Variants in PTPA observed in about 807,000 individuals in gnomAD.
PTPA encodes serine/threonine-protein phosphatase 2A activator.
In PTPA, 13 loss-of-function variants were observed where a neutral mutation model predicts 43.6. The observed-to-expected ratio is 0.30, with a 90% CI of 0.19 to 0.47. PTPA has a LOEUF of 0.47. Among genes scored for constraint, PTPA ranks in the 20% least tolerant of loss-of-function variants. The pLI is 0.99. For synonymous variants in PTPA, 172 were observed against 158.2 expected, an observed-to-expected ratio of 1.09 and a Z score of -0.66; for missense variants, 329 against 411.9, an observed-to-expected ratio of 0.80 and a Z score of 1.74.
chr9:129,131,777 T>C, intron 5 of PTPA, 138 bp downstream of exon 5: 3 of 854,584 alleles, frequency 3.5e-6, no homozygotes, highest in East Asian at 2.5e-5. Context: ...TGGGGCCAGC[T>C]GGGGTTAGGG....
chr9:129,128,960 G>C (rs1564191532), intron 3 of PTPA, 25 bp from the exon 4 acceptor site: 1 of 1,612,504 alleles, frequency 6.2e-7, no homozygotes, highest in Admixed American at 1.7e-5. Flanking sequence ...TCTGTAGCTT[G>C]GACCCCTCTA....
At chr9:129,131,848 G>A (rs965063312) in intron 5 of PTPA, among the ~76,000 whole-genome samples, 2 of 152,218 alleles carry the variant, frequency 1.3e-5, no homozygotes, top group South Asian at 2.1e-4. Context: ...CAGCTCTGCT[G>A]TGGTCCACCA....
chr9:129,112,922 C>T (rs1848636366), intron 1 of PTPA, among the ~76,000 whole-genome samples: 1 of 136,556 alleles, frequency 7.3e-6, no homozygotes, highest in African/African-American at 2.8e-5. Flanking sequence ...GCCTGGACAA[C>T]AAGAGTGAAA....
chr9:129,129,475 C>CA (rs1849807218), intron 4 of PTPA, among the ~76,000 whole-genome samples: 1 of 144,326 alleles, frequency 6.9e-6, no homozygotes. Flanking sequence ...TTTATTTTAT[C>CA]TTTTTTTTTT....
intron 9 of PTPA, among the ~76,000 whole-genome samples, chr9:129,146,880 T>G (rs1588546371): frequency 6.6e-6 from 1 of 151,962 alleles, no homozygotes; most frequent in Non-Finnish European, 1.5e-5. Flanking sequence ...TGCCCAGGGG[T>G]GGGGGGAACT....
At chr9:129,133,921 C>G (rs73629615) in intron 5 of PTPA, among the ~76,000 whole-genome samples, 3 of 152,186 alleles carry the variant, frequency 2.0e-5, no homozygotes, top group African/African-American at 7.2e-5. Context: ...TCTTGCTTCC[C>G]TCACTCCCTT....
intron 1 of PTPA, among the ~76,000 whole-genome samples, chr9:129,117,157 C>A (rs1275374089): frequency 6.6e-6 from 1 of 151,636 alleles, no homozygotes; most frequent in Non-Finnish European, 1.5e-5. Context: ...AAGTGATCCT[C>A]CCGCCTCAGC....
At chr9:129,134,147 T>C (rs1850185580) in intron 5 of PTPA, among the ~76,000 whole-genome samples, 1 of 152,196 alleles carries the variant, frequency 6.6e-6, no homozygotes, top group Non-Finnish European at 1.5e-5. Context: ...TACTTGTCAC[T>C]GTCTCCTAGT....
chr9:129,138,091 C>T (rs1850501772), intron 8 of PTPA: 1 of 269,058 alleles, frequency 3.7e-6, no homozygotes, highest in Non-Finnish European at 7.3e-6. Context: ...AAAATGAAAC[C>T]ACCAGAGGAG....
chr9:129,142,199 T>C (rs1323133098), intron 8 of PTPA: 2 of 412,732 alleles, frequency 4.8e-6, no homozygotes, highest in Non-Finnish European at 8.5e-6. Context: ...AGGAATGTTA[T>C]ATTTTCCTAG....
Position 129,144,248 on chromosome 9 carries a change from AC to A in PTPA, c.894+1697del, listed in dbSNP as rs567400888. Among the ~76,000 whole-genome samples the A allele has an allele frequency of 6.6e-5, 10 of 152,042 alleles. 1 individual carries two copies. In the South Asian group the frequency reaches 2.1e-3, roughly 32 times the overall value. ...GGAACACAGGGACTGTCCACTCTGC[AC>A]AGGCTGTCGGGGTCTCCGTGGGGGC... On this transcript the variant is annotated intron_variant, in intron 9 of 9. Transcript: ENST00000393370.
intron 3 of PTPA, among the ~76,000 whole-genome samples, chr9:129,126,085 G>A (rs764789495): frequency 1.3e-5 from 2 of 151,980 alleles, no homozygotes; most frequent in African/African-American, 2.4e-5. Flanking sequence ...GGAGGCGGAG[G>A]TTGCAGTGAG....
intron 9 of PTPA, among the ~76,000 whole-genome samples, 194 bp from the exon 10 acceptor site, chr9:129,147,193 C>T (rs956486570): frequency 8.5e-5 from 13 of 152,172 alleles, no homozygotes; most frequent in African/African-American, 2.9e-4. Context: ...TTCTCTCTCT[C>T]GTGGGTCTCG....
At chr9:129,137,304 G>T (rs1416159256) in intron 7 of PTPA, among the ~76,000 whole-genome samples, 6 of 152,210 alleles carry the variant, frequency 3.9e-5, no homozygotes, top group Admixed American at 3.9e-4. Flanking sequence ...TGCTGTAGGT[G>T]TGGTAATTGT....
chr9:129,115,569 G>A (rs1376895913), intron 1 of PTPA, among the ~76,000 whole-genome samples: 2 of 152,152 alleles, frequency 1.3e-5, no homozygotes, highest in African/African-American at 4.8e-5. Context: ...GAGGAAGGCA[G>A]GGGGACAAAT....
At position 129,123,458 on chromosome 9, in the gene PTPA, C is replaced by T. The variant is rs865878404; in HGVS notation, c.216+320C>T. 1.6e-3 allele frequency among the ~76,000 whole-genome samples: 233 copies of T among 147,622 alleles called. 1 individual carries two copies. The highest frequency in any genetic ancestry group is 5.8e-3 in the African/African-American group (223 of 38,348). Reference sequence around the variant, plus strand: ...CTGCACTCCAGCCTGGGCGACAGAGCGAGACTCTGTCTCAAAAAAAAAAAA... The same window carrying T: ...CTGCACTCCAGCCTGGGCGACAGAGTGAGACTCTGTCTCAAAAAAAAAAAA... On this transcript the variant is annotated intron_variant, in intron 3 of 9. Transcript: ENST00000393370.
chr9:129,137,403 A>G (rs966455075), intron 7 of PTPA, among the ~76,000 whole-genome samples, 189 bp from the exon 8 acceptor site: 9 of 152,242 alleles, frequency 5.9e-5, no homozygotes, highest in African/African-American at 2.2e-4. Flanking sequence ...CATGCGTCCA[A>G]CGCCATGCAG....
intron 9 of PTPA, among the ~76,000 whole-genome samples, chr9:129,143,858 C>T (rs908123245): frequency 7.2e-5 from 11 of 152,100 alleles, no homozygotes; most frequent in Admixed American, 6.5e-4. Context: ...TTCCTGACCC[C>T]ACCCCCGCCT....
At chr9:129,143,179 C>T (rs1851022296) in intron 9 of PTPA, 4 of 620,164 alleles carry the variant, frequency 6.4e-6, no homozygotes, top group Non-Finnish European at 1.2e-5. Context: ...ACTGTTCTCC[C>T]AGCCAAGGAG....
Sources: gnomAD v4.1 joint callset for allele counts (sites outside exome capture counted in the v4.1 genomes callset) on GRCh38, gnomAD v4.1.1 for gene constraint, MANE v1.5 for transcripts, NCBI Gene and HGNC (gene_info 2026-07-23, HGNC 2026-07-21) for gene names.